The following NT5DC1 variants were observed in gnomAD, a reference collection of about 807,000 sequenced individuals.
The protein encoded by NT5DC1 is 5'-nucleotidase domain containing 1.
In NT5DC1, 42 loss-of-function variants were observed where a neutral mutation model predicts 59.4. That is an observed-to-expected ratio of 0.71 (90% CI 0.55 to 0.92). The LOEUF is 0.92. NT5DC1 is among the 40% of genes least tolerant of loss of function. NT5DC1 has a pLI of 0.00. For synonymous variants in NT5DC1, 172 were observed against 188.1 expected (o/e 0.91, Z 0.70); for missense variants, 501 against 537.1 (o/e 0.93, Z 0.66).
chr6:116,196,157 C>G (rs577643937), intron 6 of NT5DC1, among the ~76,000 whole-genome samples: 16 of 152,136 alleles, frequency 1.1e-4, no homozygotes, highest in African/African-American at 3.9e-4. Context: ...TCGTCCTTTC[C>G]TTATTACTCC....
intron 6 of NT5DC1, among the ~76,000 whole-genome samples, chr6:116,149,036 C>A (rs771394861): frequency 2.0e-5 from 3 of 151,996 alleles, no homozygotes; most frequent in Non-Finnish European, 4.4e-5. Context: ...GATTTTTAGC[C>A]CATTCCATGT....
intron 6 of NT5DC1, chr6:116,125,456 A>G (rs1779270393): frequency 6.2e-7 from 1 of 1,613,904 alleles, no homozygotes; most frequent in Non-Finnish European, 8.5e-7. Context: ...ACCAAGTTCA[A>G]GGATACTAGC....
chr6:116,128,823 C>T (rs1183333140), intron 6 of NT5DC1, among the ~76,000 whole-genome samples: 2 of 152,120 alleles, frequency 1.3e-5, no homozygotes, highest in Non-Finnish European at 2.9e-5. Flanking sequence ...TGATGGCCTC[C>T]TAAGTTAGAA....
At chr6:116,241,777 G>T (rs535844317) in intron 11 of NT5DC1, among the ~76,000 whole-genome samples, 2 of 151,590 alleles carry the variant, frequency 1.3e-5, no homozygotes, top group South Asian at 2.1e-4. Flanking sequence ...CAAAAAATTA[G>T]CCAGGCGTGG....
chr6:116,116,765 A>G (rs930736132), intron 5 of NT5DC1, among the ~76,000 whole-genome samples: 6 of 152,220 alleles, frequency 3.9e-5, no homozygotes, highest in Non-Finnish European at 7.3e-5. Context: ...GTATGTTTGT[A>G]GAAATCTTAA....
rs975751808 is a variant in NT5DC1, at chr6:116,149,980, T to C, written c.529+32035T>C. ...TACATTGGTGTACCTTTATTCCCTATGATGTCTCCCTTTGACATCTGCCCC... is the reference window on the plus strand; with the variant it reads ...TACATTGGTGTACCTTTATTCCCTACGATGTCTCCCTTTGACATCTGCCCC... On this transcript the variant is annotated intron_variant, in intron 6 of 11. Coordinates refer to ENST00000319550, the MANE Select transcript of NT5DC1 (RefSeq NM_152729.3). 4.6e-5 allele frequency among the ~76,000 whole-genome samples: 7 copies of C among 152,358 alleles called. No homozygotes were observed. In the South Asian group the frequency reaches 1.4e-3, roughly 32 times the overall value.
chr6:116,128,155 C>T (rs1213178843), intron 6 of NT5DC1, among the ~76,000 whole-genome samples: 1 of 152,114 alleles, frequency 6.6e-6, no homozygotes, highest in Non-Finnish European at 1.5e-5. Context: ...ATTTGTCATT[C>T]TATACTCCCC....
At chr6:116,181,440 A>G (rs1780870922) in intron 6 of NT5DC1, among the ~76,000 whole-genome samples, 2 of 152,118 alleles carry the variant, frequency 1.3e-5, no homozygotes, top group African/African-American at 4.8e-5. Flanking sequence ...GAAAAACCCA[A>G]TTAATAAAAC....
chr6:116,220,440 G>A (rs555271472), intron 6 of NT5DC1, among the ~76,000 whole-genome samples: 14 of 152,266 alleles, frequency 9.2e-5, no homozygotes, highest in Non-Finnish European at 1.6e-4. Flanking sequence ...TCAGTGATGC[G>A]AGTCATTCAT....
At chr6:116,106,210 A>T (rs370439386) in intron 1 of NT5DC1, 34 bp from the exon 2 acceptor site, 4 of 1,000,794 alleles carry the variant, frequency 4.0e-6, no homozygotes, top group Non-Finnish European at 6.4e-6. Context: ...AGTGGGTGTT[A>T]TATTTAATCT....
intron 6 of NT5DC1, among the ~76,000 whole-genome samples, chr6:116,146,691 C>G (rs934192965): frequency 1.4e-4 from 21 of 152,128 alleles, no homozygotes; most frequent in African/African-American, 4.1e-4. Context: ...TGCTATAAAT[C>G]TTTTTGATCT....
chr6:116,232,447 AGAG>A (rs1227153494), intron 8 of NT5DC1, among the ~76,000 whole-genome samples: 5 of 152,194 alleles, frequency 3.3e-5, no homozygotes, highest in South Asian at 2.1e-4. Flanking sequence ...TATGCATAAA[AGAG>A]GAGAAGAGGT....
chr6:116,130,610 G>A (rs1478660781), intron 6 of NT5DC1, among the ~76,000 whole-genome samples: 3 of 152,052 alleles, frequency 2.0e-5, no homozygotes, highest in African/African-American at 7.2e-5. Context: ...TTGCTTCTGG[G>A]TTGGTCATTC....
intron 11 of NT5DC1, among the ~76,000 whole-genome samples, chr6:116,241,141 CA>C (rs532456933): frequency 0.012 from 762 of 64,322 alleles, 3 homozygotes; most frequent in African/African-American, 0.03. Flanking sequence ...AAGACTGTCT[CA>C]AAAAAAAAAA....
intron 6 of NT5DC1, among the ~76,000 whole-genome samples, chr6:116,165,341 A>G (rs1780438075): frequency 6.6e-6 from 1 of 152,110 alleles, no homozygotes. Flanking sequence ...ATCATATCTC[A>G]CTGGTGTTCT....
chr6:116,101,723 T>C (rs1778661748), intron 1 of NT5DC1, among the ~76,000 whole-genome samples: 1 of 152,174 alleles, frequency 6.6e-6, no homozygotes, highest in South Asian at 2.1e-4. Flanking sequence ...GAGGGGGACA[T>C]GGAGTATGCA....
chr6:116,198,827 T>C (rs1781287110), intron 6 of NT5DC1, among the ~76,000 whole-genome samples: 1 of 152,048 alleles, frequency 6.6e-6, no homozygotes, highest in Admixed American at 6.6e-5. Flanking sequence ...TCTGATAGGC[T>C]AACTCATGAG....
chr6:116,133,274 CAT>C lies in NT5DC1; in HGVS notation c.529+15330_529+15331del, dbSNP rs1474116762. 3.3e-5 allele frequency among the ~76,000 whole-genome samples: 5 copies of C among 152,308 alleles called. No homozygotes were observed. The East Asian group carries it at 9.7e-4, about 29-fold the overall frequency. On this transcript the variant is annotated intron_variant, in intron 6 of 11. Coordinates refer to ENST00000319550, the MANE Select transcript of NT5DC1 (RefSeq NM_152729.3). ...CCCAATGGGTTCTCAACCATTCACA[CAT>C]GTTAGTTCCTACTCTGTTTACAACT...
At chr6:116,107,540 TTTTTATTTTATTTTATTTTA>T (rs371049347) in intron 2 of NT5DC1, among the ~76,000 whole-genome samples, 53 of 132,692 alleles carry the variant, frequency 4.0e-4, no homozygotes, top group Non-Finnish European at 4.8e-4. Flanking sequence ...AGTGGTTTTC[TTTTTATTTTATTTTATTTTA>T]TTTTATTTTA....
Sources: gnomAD v4.1 joint callset for allele counts (sites outside exome capture counted in the v4.1 genomes callset) on GRCh38, gnomAD v4.1.1 for gene constraint, MANE v1.5 for transcripts, NCBI Gene and HGNC (gene_info 2026-07-23, HGNC 2026-07-21) for gene names.